DSCAML1: variants seen among roughly 807,000 people sequenced by gnomAD.
The protein encoded by DSCAML1 is DS cell adhesion molecule like 1, also known as cell adhesion molecule DSCAML1.
DSCAML1 carries 38 observed loss-of-function variants against 200.5 expected under a neutral mutation model. That is an observed-to-expected ratio of 0.19 (90% CI 0.15 to 0.25). The LOEUF (loss-of-function observed/expected upper bound fraction) is 0.25, where lower values mean the gene tolerates loss of function less well. Ranked by LOEUF, DSCAML1 falls within the 10% of genes least tolerant of loss-of-function variation. The probability of loss-of-function intolerance (pLI) is 1.00; values close to 1 mark genes in which losing one functional copy is unlikely to be tolerated. For missense variants in DSCAML1, 2,223 were observed against 2,858.8 expected (o/e 0.78, Z 5.07); for synonymous variants, 1,215 against 1,165.0 (o/e 1.04, Z -0.87).
At chr11:117,484,735 T>A (rs1207328692) in intron 11 of DSCAML1, among the ~76,000 whole-genome samples, 5 of 152,188 alleles carry the variant, frequency 3.3e-5, no homozygotes, top group Admixed American at 3.3e-4. Context: ...ATGCCTCCAT[T>A]TTTTACTGGA....
rs2048699031 is a variant in DSCAML1 at position 117,472,129 on chromosome 11, G to A, written c.2786-93C>T. The A allele has an allele frequency of 4.9e-6, 7 of 1,437,842 alleles. No individual in the cohort carries two copies. In the South Asian group the frequency reaches 9.0e-5, roughly 19 times the overall value. The allele number at this position is 1,437,842 out of a possible 1,614,324, so 89.1% of individuals were successfully genotyped here. On this transcript the variant is annotated intron_variant, in intron 14 of 32. Coordinates refer to ENST00000651296, the MANE Select transcript of DSCAML1 (RefSeq NM_020693.4). ...ACCAGTACAACCCAATATTAAGTTGGATGCCCGAGGGGTCCAGCTCACACA... is the reference window on the plus strand; with the variant it reads ...ACCAGTACAACCCAATATTAAGTTGAATGCCCGAGGGGTCCAGCTCACACA...
Position 117,564,490 on chromosome 11 carries a change from C to T in DSCAML1, c.512-31968G>A, listed in dbSNP as rs2050719209. 2.0e-5 allele frequency among the ~76,000 whole-genome samples: 3 copies of T among 152,314 alleles called. No homozygotes were observed. In the South Asian group the frequency reaches 6.2e-4, roughly 32 times the overall value. ...GGTCCCGGCGATTCTCCTGCTGCAG[C>T]TGCTCTGGCTTCTTTGCTGCCCCTG... On this transcript the variant is annotated intron_variant, in intron 3 of 32. Transcript: ENST00000651296.
Position 117,432,339 on chromosome 11 carries a change from G to C in DSCAML1, c.5179+13C>G. On this transcript the variant is annotated intron_variant, in intron 30 of 32. Coordinates refer to ENST00000651296, the MANE Select transcript of DSCAML1 (RefSeq NM_020693.4). Reference sequence around the variant, plus strand: ...GTTGGGAAAAGGGCTGTCTCCCTGGGGATAATGCGTACTGGTTCCTGGCCG... The same window carrying C: ...GTTGGGAAAAGGGCTGTCTCCCTGGCGATAATGCGTACTGGTTCCTGGCCG... The C allele has an allele frequency of 1.2e-6, 2 of 1,610,196 alleles. No homozygotes were observed.
intron 5 of DSCAML1, among the ~76,000 whole-genome samples, chr11:117,522,438 C>A (rs1433809843): frequency 6.6e-6 from 1 of 152,180 alleles, no homozygotes; most frequent in African/African-American, 2.4e-5. Context: ...ACTGGCTTAG[C>A]AAGCCATTTA....
intron 18 of DSCAML1, among the ~76,000 whole-genome samples, chr11:117,460,439 A>G (rs1247713948): frequency 6.6e-6 from 1 of 152,100 alleles, no homozygotes; most frequent in African/African-American, 2.4e-5. Context: ...GTCCTCCAGG[A>G]AAGAAGAGAG....
chr11:117,461,658 C>T, intron 17 of DSCAML1, 62 bp from the exon 18 acceptor site: 1 of 1,533,192 alleles, frequency 6.5e-7, no homozygotes, highest in Non-Finnish European at 8.9e-7. Context: ...GACAGTACAG[C>T]AATTGTGTCC....
chr11:117,576,292 T>A (rs2050932234), intron 3 of DSCAML1, among the ~76,000 whole-genome samples: 1 of 152,230 alleles, frequency 6.6e-6, no homozygotes, highest in East Asian at 1.9e-4. Flanking sequence ...GGGGTTTTTG[T>A]CCAGCGAGGA....
chr11:117,659,505 C>A (rs1031856411), intron 3 of DSCAML1, among the ~76,000 whole-genome samples: 2 of 152,194 alleles, frequency 1.3e-5, no homozygotes, highest in Non-Finnish European at 2.9e-5. Context: ...AACAGCTTGG[C>A]TGATCTAGAC....
Position 117,527,606 on chromosome 11 carries a change from G to A in DSCAML1, c.659-2523C>T, listed in dbSNP as rs765052025. On this transcript the variant is annotated intron_variant, in intron 4 of 32. Coordinates refer to ENST00000651296, the MANE Select transcript of DSCAML1 (RefSeq NM_020693.4). ...AGATGAGGATGCTGAGACCAGCGACGTACAGGGACCTGCCTGGGATCACAA... is the reference window on the plus strand; with the variant it reads ...AGATGAGGATGCTGAGACCAGCGACATACAGGGACCTGCCTGGGATCACAA... Among the ~76,000 whole-genome samples the A allele has an allele frequency of 9.2e-5, 14 of 152,322 alleles. No homozygotes were observed. The South Asian group carries it at 1.9e-3, about 20-fold the overall frequency.
intron 1 of DSCAML1, among the ~76,000 whole-genome samples, chr11:117,793,565 AGTCCATGG>A (rs950579073): frequency 2.6e-5 from 4 of 152,114 alleles, no homozygotes; most frequent in Non-Finnish European, 5.9e-5. Flanking sequence ...ATAGGCTAAC[AGTCCATGG>A]GGTGCTCTGG....
intron 1 of DSCAML1, among the ~76,000 whole-genome samples, chr11:117,792,803 A>G (rs2055496068): frequency 6.6e-6 from 1 of 152,096 alleles, no homozygotes; most frequent in African/African-American, 2.4e-5. Flanking sequence ...CCATGAGAGG[A>G]GCAACCCACA....
At chr11:117,561,578 C>CCT (rs1252221289) in intron 3 of DSCAML1, among the ~76,000 whole-genome samples, 1 of 151,212 alleles carries the variant, frequency 6.6e-6, no homozygotes, top group Non-Finnish European at 1.5e-5. Context: ...CCCTTGTTCT[C>CCT]CTCTCCTCTC....
intron 3 of DSCAML1, among the ~76,000 whole-genome samples, chr11:117,772,684 C>G (rs1250285712): frequency 6.6e-6 from 1 of 152,196 alleles, no homozygotes; most frequent in Non-Finnish European, 1.5e-5. Flanking sequence ...ATCTTTATAT[C>G]CAATAACATG....
intron 11 of DSCAML1, 101 bp from the exon 12 acceptor site, chr11:117,482,263 C>T (rs1030826072): frequency 1.5e-6 from 2 of 1,358,914 alleles, no homozygotes; most frequent in Non-Finnish European, 2.0e-6. Flanking sequence ...CCCTCCTCCC[C>T]CAGGAGAGGC....
At chr11:117,578,224 A>T (rs1173181367) in intron 3 of DSCAML1, among the ~76,000 whole-genome samples, 1 of 135,280 alleles carries the variant, frequency 7.4e-6, no homozygotes, top group Non-Finnish European at 1.6e-5. Context: ...AACAAGAGCG[A>T]AACTCTGTCT....
chr11:117,454,124 CTCT>C (rs761109008), intron 19 of DSCAML1, among the ~76,000 whole-genome samples: 8 of 152,122 alleles, frequency 5.3e-5, no homozygotes, highest in South Asian at 2.1e-4. Flanking sequence ...CATTCTCTGT[CTCT>C]TCTTCTTTGG....
chr11:117,713,397 T>G (rs1462998915), intron 3 of DSCAML1, among the ~76,000 whole-genome samples: 1 of 152,180 alleles, frequency 6.6e-6, no homozygotes, highest in African/African-American at 2.4e-5. Context: ...ATTACAGGCA[T>G]GAGCCACCAC....
chr11:117,681,712 T>C (rs2053316812), intron 3 of DSCAML1, among the ~76,000 whole-genome samples: 1 of 152,194 alleles, frequency 6.6e-6, no homozygotes, highest in African/African-American at 2.4e-5. Flanking sequence ...AAAACCCACA[T>C]GGGAATGGCA....
At chr11:117,473,643 G>C (rs1315951621) in intron 14 of DSCAML1, among the ~76,000 whole-genome samples, 3 of 152,214 alleles carry the variant, frequency 2.0e-5, no homozygotes, top group Admixed American at 1.3e-4. Flanking sequence ...ACTTATAGCT[G>C]CTCAGGCTTA....
Sources: gnomAD v4.1 joint callset for allele counts (sites outside exome capture counted in the v4.1 genomes callset) on GRCh38, gnomAD v4.1.1 for gene constraint, MANE v1.5 for transcripts, NCBI Gene and HGNC (gene_info 2026-07-23, HGNC 2026-07-21) for gene names.